Variants in ANGPT4 observed in about 807,000 individuals in gnomAD.
ANGPT4 encodes the protein angiopoietin 4.
In ANGPT4, 50 loss-of-function variants were observed where a neutral mutation model predicts 53.0. The ratio of observed to expected loss-of-function variants is 0.94; its 90% CI spans 0.75 to 1.20. The LOEUF is 1.20. Ranked by LOEUF, ANGPT4 falls within the 50% of genes most tolerant of loss-of-function variation. The pLI is 0.00. For synonymous variants in ANGPT4, 251 were observed against 259.7 expected (o/e 0.97, Z 0.32); for missense variants, 648 against 637.1 (o/e 1.02, Z -0.18).
chr20:908,224 G>A lies in ANGPT4; in HGVS notation c.309+7682C>T, dbSNP rs764583399. Reference sequence around the variant, plus strand: ...CTTCCCAGTCTCCATGGTCCTCCACGGAGAACAGGGTCAGGACCAGGGACA... The same window carrying A: ...CTTCCCAGTCTCCATGGTCCTCCACAGAGAACAGGGTCAGGACCAGGGACA... On this transcript the variant is annotated intron_variant, in intron 1 of 8. Coordinates refer to ENST00000381922, the MANE Select transcript of ANGPT4 (RefSeq NM_015985.4). This position sits in a 1 kb window ranked among gnomAD's most constrained non-coding sequence, Gnocchi z 4.9. Among the ~76,000 whole-genome samples, 1 of 152,100 alleles carries A rather than the reference G, an allele frequency of 6.6e-6. No individual in the cohort carries two copies. The highest frequency in any genetic ancestry group is 1.5e-5 in the Non-Finnish European group (1 of 68,008).
At chr20:873,775 T>A (rs1441287688) in intron 8 of ANGPT4, among the ~76,000 whole-genome samples, 1 of 152,154 alleles carries the variant, frequency 6.6e-6, no homozygotes, top group East Asian at 1.9e-4. Flanking sequence ...GGTGTCTCTC[T>A]CTTTCTCCAT....
intron 1 of ANGPT4, among the ~76,000 whole-genome samples, chr20:899,316 C>T (rs1025380692): frequency 4.6e-5 from 7 of 151,726 alleles, no homozygotes; most frequent in African/African-American, 1.2e-4. Flanking sequence ...GGCGCGATCT[C>T]GGCTCACTGC....
rs1419182078 is a variant in ANGPT4 at position 885,329 on chromosome 20, C to G, written c.588-4G>C. 6 of 1,575,566 alleles carry G rather than the reference C, an allele frequency of 3.8e-6. No individual in the cohort carries two copies. In the East Asian group the frequency reaches 1.4e-4, roughly 36 times the overall value. On this transcript the variant is annotated splice_region_variant and splice_polypyrimidine_tract_variant and intron_variant, in intron 3 of 8. Transcript: ENST00000381922. Reference sequence around the variant, plus strand: ...CTGCAACCGCTTCTCGAGCGCGCTGCGGGGTAGGGGGCGCACAGAGGTGAG... The same window carrying G: ...CTGCAACCGCTTCTCGAGCGCGCTGGGGGGTAGGGGGCGCACAGAGGTGAG...
chr20:898,953 C>T (rs1390724254), intron 1 of ANGPT4, among the ~76,000 whole-genome samples: 1 of 152,198 alleles, frequency 6.6e-6, no homozygotes, highest in East Asian at 1.9e-4. Flanking sequence ...CCCAGAGCCC[C>T]TGGAAATCTG....
At chr20:879,907 T>C in intron 5 of ANGPT4, 59 bp from the exon 6 acceptor site, 1 of 1,330,178 alleles carries the variant, frequency 7.5e-7, no homozygotes, top group Non-Finnish European at 1.0e-6. Context: ...AGGCCAGGCC[T>C]GTGCTAGCCC....
At chr20:895,749 A>G (rs1982021854) in intron 1 of ANGPT4, among the ~76,000 whole-genome samples, 1 of 152,232 alleles carries the variant, frequency 6.6e-6, no homozygotes, top group Admixed American at 6.5e-5. Context: ...GGAAAGAACC[A>G]TTGATGTGTG....
chr20:900,411 CCTT>C (rs1982242898), intron 1 of ANGPT4, among the ~76,000 whole-genome samples: 1 of 152,150 alleles, frequency 6.6e-6, no homozygotes. Context: ...CTTTAGTACT[CCTT>C]CTCATCTTTT....
Position 908,501 on chromosome 20 carries a change from A to T in ANGPT4, c.309+7405T>A, listed in dbSNP as rs1350959984. The stretch of plus-strand genomic sequence containing the variant: ...CCTCAAGGTCAGGCACCCATTATCC[A>T]CCCCTAGCATCTCTCGGTCCCTCCT... On this transcript the variant is annotated intron_variant, in intron 1 of 8. Transcript: ENST00000381922. This position sits in a 1 kb window ranked among gnomAD's most constrained non-coding sequence, Gnocchi z 4.9. Among the ~76,000 whole-genome samples the T allele has an allele frequency of 6.7e-6, 1 of 150,060 alleles. No homozygotes were observed. The highest frequency in any genetic ancestry group is 6.6e-5 in the Admixed American group (1 of 15,066).
At chr20:880,840 G>T (rs997478302) in intron 5 of ANGPT4, among the ~76,000 whole-genome samples, 2 of 152,228 alleles carry the variant, frequency 1.3e-5, no homozygotes, top group Admixed American at 1.3e-4. Flanking sequence ...ATGTAAACTA[G>T]AAAGAAACGT....
rs1980889167 is a variant in ANGPT4 at position 870,297 on chromosome 20, G to T, written c.*2663C>A. ...TAATCCCAGCACTTTGGGAGGCTGA[G>T]GCAGGTGGATCACATGAGGCCAGGA... On this transcript the variant is annotated 3_prime_UTR_variant, in exon 9 of 9. Coordinates refer to ENST00000381922, the MANE Select transcript of ANGPT4 (RefSeq NM_015985.4). The T allele has an allele frequency of 6.6e-6, 1 of 152,216 alleles. No homozygotes were observed. Among genetic ancestry groups the T allele is most frequent in the Admixed American group, 6.5e-5 (1 of 15,284 alleles). The allele number at this position is 152,216 out of a possible 1,614,324, so 9.4% of individuals were successfully genotyped here.
intron 1 of ANGPT4, among the ~76,000 whole-genome samples, chr20:906,209 C>A (rs1408157662): frequency 6.6e-6 from 1 of 152,194 alleles, no homozygotes; most frequent in African/African-American, 2.4e-5. Context: ...TTGGACCACA[C>A]GCTTTAGAGG....
intron 1 of ANGPT4, among the ~76,000 whole-genome samples, chr20:906,546 A>C (rs1982485854): frequency 6.6e-6 from 1 of 152,278 alleles, no homozygotes; most frequent in African/African-American, 2.4e-5. Context: ...GATAACTAAT[A>C]TACTGCTTTT....
At chr20:874,173 G>A in intron 8 of ANGPT4, 111 bp downstream of exon 8, 2 of 1,517,596 alleles carry the variant, frequency 1.3e-6, no homozygotes, top group Non-Finnish European at 1.8e-6. Context: ...GCCCAGACCT[G>A]CACCCATCCT....
chr20:913,702 CCAGTGGGAGGTGATGACAGCAT>C (rs1182387974), intron 1 of ANGPT4, among the ~76,000 whole-genome samples: 2 of 152,156 alleles, frequency 1.3e-5, no homozygotes, highest in East Asian at 3.9e-4. Flanking sequence ...GGTAGGAGGC[CCAGTGGGAGGTGATGACAGCAT>C]CCTGGGAAAG....
chr20:888,539 A>G, intron 2 of ANGPT4, 100 bp from the exon 3 acceptor site: 1 of 1,492,992 alleles, frequency 6.7e-7, no homozygotes, highest in Non-Finnish European at 8.9e-7. Context: ...CCAGAAACTT[A>G]CCCATTTCCA....
chr20:873,173 GC>G, intron 8 of ANGPT4, 53 bp from the exon 9 acceptor site: 1 of 1,446,032 alleles, frequency 6.9e-7, no homozygotes, highest in East Asian at 3.2e-5. Flanking sequence ...CCAGCCAGTG[GC>G]AAGAGGGCAG....
chr20:881,102 G>A (rs1470472915), intron 5 of ANGPT4, 69 bp downstream of exon 5: 2 of 1,245,830 alleles, frequency 1.6e-6, no homozygotes, highest in Non-Finnish European at 2.2e-6. Flanking sequence ...ATGGGGTGCG[G>A]GGTGTCTGTT....
chr20:895,108 C>A (rs2122823067), intron 1 of ANGPT4, among the ~76,000 whole-genome samples: 1 of 152,260 alleles, frequency 6.6e-6, no homozygotes, highest in South Asian at 2.1e-4. Context: ...CTAGGTCTGG[C>A]CCATGGCTGA....
At chr20:890,833 G>A (rs747502690) in intron 1 of ANGPT4, among the ~76,000 whole-genome samples, 8 of 151,812 alleles carry the variant, frequency 5.3e-5, no homozygotes, top group Non-Finnish European at 1.0e-4. Context: ...TCCCTCTAAC[G>A]AAGCAAGCAT....
Sources: gnomAD v4.1 joint callset for allele counts (sites outside exome capture counted in the v4.1 genomes callset) on GRCh38, gnomAD v4.1.1 for gene constraint, Gnocchi (gnomAD v3.1) non-coding constraint, MANE v1.5 for transcripts, NCBI Gene and HGNC (gene_info 2026-07-23, HGNC 2026-07-21) for gene names.